UBE2V2: variants seen among roughly 807,000 people sequenced by gnomAD.
UBE2V2 encodes the protein ubiquitin conjugating enzyme E2 V2.
Under a neutral mutation model 17.2 loss-of-function variants are expected in UBE2V2, and 9 were observed. The observed-to-expected ratio is 0.52, with a 90% CI of 0.32 to 0.91. The LOEUF is 0.91. UBE2V2 is among the 40% of genes least tolerant of loss of function. The pLI is 0.04. For synonymous variants in UBE2V2, 61 were observed against 57.5 expected (o/e 1.06, Z -0.28); for missense variants, 133 against 182.6 (o/e 0.73, Z 1.56).
chr8:48,052,777 A>G lies in UBE2V2; in HGVS notation c.291+2799A>G, dbSNP rs192677125. Among the ~76,000 whole-genome samples, 167 of 152,342 alleles carry G rather than the reference A, an allele frequency of 1.1e-3. 1 individual carries two copies. Among genetic ancestry groups the G allele is most frequent in the African/African-American group, 3.9e-3 (162 of 41,580 alleles). The stretch of plus-strand genomic sequence containing the variant: ...GCATGCATGCTTCTTGCCATGGCTC[A>G]CTGGGAGTGCTCAAGGTGCACACTG... On this transcript the variant is annotated intron_variant, in intron 3 of 3. Transcript: ENST00000523111.
intron 1 of UBE2V2, among the ~76,000 whole-genome samples, chr8:48,023,313 TC>T (rs2091318248): frequency 6.6e-6 from 1 of 151,930 alleles, no homozygotes; most frequent in Non-Finnish European, 1.5e-5. Flanking sequence ...CCTCCTGGGT[TC>T]AAGTGATTCT....
chr8:48,011,970 A>G (rs1318462268), intron 1 of UBE2V2, among the ~76,000 whole-genome samples: 3 of 152,166 alleles, frequency 2.0e-5, no homozygotes. Flanking sequence ...CTAAGCAGAA[A>G]CATTTTTGGC....
At chr8:48,007,741 CTTTTT>C (rs5891259), upstream of UBE2V2, among the ~76,000 whole-genome samples, 4 of 144,354 alleles carry the variant, frequency 2.8e-5, no homozygotes, top group East Asian at 4.1e-4. Flanking sequence ...TTCTTTCTTT[CTTTTT>C]TTTTTTTGAA....
chr8:48,037,556 C>T (rs889067106), intron 1 of UBE2V2, among the ~76,000 whole-genome samples: 3 of 152,188 alleles, frequency 2.0e-5, no homozygotes, highest in African/African-American at 7.2e-5. Context: ...GCAAAACTCT[C>T]GCTTTATGAT....
chr8:48,020,360 C>T (rs908752257), intron 1 of UBE2V2, among the ~76,000 whole-genome samples: 1 of 152,082 alleles, frequency 6.6e-6, no homozygotes, highest in African/African-American at 2.4e-5. Context: ...TATCTTTTTC[C>T]ATTCCTTCAC....
chr8:48,008,418 C>T (rs753339675), upstream of UBE2V2: 11 of 1,559,406 alleles, frequency 7.1e-6, no homozygotes, highest in African/African-American at 1.1e-4. Flanking sequence ...ACGGTTCGTG[C>T]GTGCGTGCGG....
chr8:48,007,120 C>A (rs1000414279), upstream of UBE2V2, among the ~76,000 whole-genome samples: 4 of 151,786 alleles, frequency 2.6e-5, no homozygotes, highest in African/African-American at 9.7e-5. Flanking sequence ...GATCTTCTGA[C>A]CTCGTGATCC....
chr8:48,049,775 CTTTTT>C, intron 2 of UBE2V2, 73 bp from the exon 3 acceptor site: 1 of 1,092,956 alleles, frequency 9.1e-7, no homozygotes, highest in Non-Finnish European at 1.3e-6. Flanking sequence ...TGTACTTTCC[CTTTTT>C]TTTTTTTAGC....
chr8:48,031,566 A>C (rs978347538), intron 1 of UBE2V2, among the ~76,000 whole-genome samples: 11 of 152,176 alleles, frequency 7.2e-5, no homozygotes, highest in Non-Finnish European at 1.6e-4. Flanking sequence ...CAGAATTGAG[A>C]TACTTTGCAA....
At position 48,013,970 on chromosome 8, in the gene UBE2V2, A is replaced by G. The variant is rs573784705; in HGVS notation, c.16+5500A>G. 3.9e-5 allele frequency among the ~76,000 whole-genome samples: 6 copies of G among 152,346 alleles called. No homozygotes were observed. The East Asian group carries it at 1.2e-3, about 29-fold the overall frequency. On this transcript the variant is annotated intron_variant, in intron 1 of 3. Transcript: ENST00000523111. ...ACAACATCATCTTGTTTTCCTCTTT[A>G]GATGAAGATACTTGGATATGGACAG...
upstream of UBE2V2, chr8:48,008,323 C>G (rs1031592338): frequency 1.7e-5 from 21 of 1,251,450 alleles, no homozygotes; most frequent in Admixed American, 8.4e-5. Context: ...CACGTGCGCG[C>G]TGTCCCTCGG....
chr8:48,040,907 C>G (rs1673059693), intron 1 of UBE2V2, among the ~76,000 whole-genome samples: 1 of 146,528 alleles, frequency 6.8e-6, no homozygotes, highest in Admixed American at 6.9e-5. Context: ...CTCTGTCACC[C>G]AGGCTGGAGT....
intron 1 of UBE2V2, among the ~76,000 whole-genome samples, chr8:48,023,476 A>G (rs1488567323): frequency 6.6e-6 from 1 of 151,838 alleles, no homozygotes; most frequent in Non-Finnish European, 1.5e-5. Context: ...TCGGCCTCCC[A>G]AAGTGCTGGG....
the UBE2V2 span, among the ~76,000 whole-genome samples, chr8:47,997,758 G>A: frequency 6.6e-6 from 1 of 151,922 alleles, no homozygotes; most frequent in Non-Finnish European, 1.5e-5. Flanking sequence ...GACGAGTAAG[G>A]GGTGGAGACG....
intron 3 of UBE2V2, among the ~76,000 whole-genome samples, chr8:48,057,647 G>T (rs927864572): frequency 6.6e-6 from 1 of 151,936 alleles, no homozygotes; most frequent in African/African-American, 2.4e-5. Flanking sequence ...TTTTTCTGGG[G>T]AGGGAGGGAA....
intron 1 of UBE2V2, among the ~76,000 whole-genome samples, chr8:48,020,292 C>T (rs990521898): frequency 6.6e-6 from 1 of 152,124 alleles, no homozygotes; most frequent in South Asian, 2.1e-4. Flanking sequence ...CCTCCTTGGC[C>T]TTTCAGAATG....
chr8:48,037,104 T>G (rs929208428), intron 1 of UBE2V2, among the ~76,000 whole-genome samples: 1 of 152,148 alleles, frequency 6.6e-6, no homozygotes, highest in African/African-American at 2.4e-5. Flanking sequence ...ACTTGAACCC[T>G]GGAAGCAAAG....
the UBE2V2 span, among the ~76,000 whole-genome samples, chr8:48,002,709 G>A: frequency 2.0e-5 from 3 of 151,938 alleles, no homozygotes; most frequent in Non-Finnish European, 4.4e-5. Flanking sequence ...GGGAGATGTT[G>A]GTCAAAGGAT....
intron 1 of UBE2V2, among the ~76,000 whole-genome samples, chr8:48,016,134 C>T (rs1339942133): frequency 6.6e-6 from 1 of 152,120 alleles, no homozygotes; most frequent in African/African-American, 2.4e-5. Context: ...TGACCTCAAG[C>T]AATCCATCTG....
Sources: allele counts gnomAD v4.1 joint callset (sites outside exome capture counted in the v4.1 genomes callset), GRCh38; gene constraint gnomAD v4.1.1; transcripts MANE v1.5; gene names NCBI Gene and HGNC (gene_info 2026-07-23, HGNC 2026-07-21).